FMN2: variants seen among roughly 807,000 people sequenced by gnomAD.
The protein encoded by FMN2 is formin 2, also known as formin-2.
In FMN2, 51 loss-of-function variants were observed where a neutral mutation model predicts 142.3. The observed-to-expected ratio is 0.36, with a 90% CI of 0.29 to 0.45. FMN2 has a LOEUF of 0.45. Among genes scored for constraint, FMN2 ranks in the 20% least tolerant of loss-of-function variants. The pLI is 1.00. For missense variants in FMN2, 1,936 were observed against 2,122.8 expected (o/e 0.91, Z 1.73); for synonymous variants, 882 against 869.8 (o/e 1.01, Z -0.25).
At chr1:240,463,896 G>T (rs150408127) in intron 16 of FMN2, among the ~76,000 whole-genome samples, 1 of 152,160 alleles carries the variant, frequency 6.6e-6, no homozygotes, top group South Asian at 2.1e-4. Flanking sequence ...CCAGCTACTC[G>T]GGAGGCTGAG....
intron 2 of FMN2, among the ~76,000 whole-genome samples, chr1:240,169,444 T>C (rs1664614089): frequency 2.0e-5 from 3 of 152,050 alleles, no homozygotes; most frequent in Non-Finnish European, 1.5e-5. Context: ...TAGGGATAGA[T>C]TTTATTTGAT....
At chr1:240,232,154 C>T (rs548569795) in intron 6 of FMN2, among the ~76,000 whole-genome samples, 13 of 152,154 alleles carry the variant, frequency 8.5e-5, no homozygotes, top group African/African-American at 3.1e-4. Context: ...ACTGCAACCT[C>T]CGCCTCCTGG....
chr1:240,180,607 C>A (rs984360262), intron 3 of FMN2, among the ~76,000 whole-genome samples: 1 of 144,950 alleles, frequency 6.9e-6, no homozygotes, highest in African/African-American at 2.6e-5. Context: ...TACTCTGTCA[C>A]CCAGGCTACA....
chr1:240,228,211 G>T (rs1667386051), intron 6 of FMN2, among the ~76,000 whole-genome samples: 1 of 147,316 alleles, frequency 6.8e-6, no homozygotes, highest in African/African-American at 2.5e-5. Flanking sequence ...TCTGAAGCAG[G>T]AGAATCGCTT....
At chr1:240,389,109 T>C (rs1467233761) in intron 14 of FMN2, among the ~76,000 whole-genome samples, 1 of 152,198 alleles carries the variant, frequency 6.6e-6, no homozygotes, top group Non-Finnish European at 1.5e-5. Flanking sequence ...GTTAATCTTG[T>C]AGTAGAAAAT....
chr1:240,283,734 G>A (rs926643354), intron 7 of FMN2, among the ~76,000 whole-genome samples: 2 of 152,144 alleles, frequency 1.3e-5, no homozygotes, highest in Non-Finnish European at 2.9e-5. Flanking sequence ...TTAAAGGGTG[G>A]AATCCAAAGG....
At chr1:240,419,354 G>C (rs1674688335) in intron 15 of FMN2, among the ~76,000 whole-genome samples, 2 of 151,738 alleles carry the variant, frequency 1.3e-5, no homozygotes, top group Non-Finnish European at 1.5e-5. Context: ...AGCTCTTTTT[G>C]GTTCGCATTT....
intron 6 of FMN2, among the ~76,000 whole-genome samples, chr1:240,249,233 T>C (rs1370385273): frequency 6.6e-6 from 1 of 152,104 alleles, no homozygotes; most frequent in African/African-American, 2.4e-5. Context: ...TAGTTTCGAG[T>C]CTTGCCTTTA....
At chr1:240,170,168 A>G in intron 2 of FMN2, 1 of 944,740 alleles carries the variant, frequency 1.1e-6, no homozygotes, top group East Asian at 2.6e-5. Context: ...GAACCCGTGG[A>G]CATGGTGAAC....
At chr1:240,422,226 T>G (rs913866442) in intron 15 of FMN2, among the ~76,000 whole-genome samples, 2 of 152,224 alleles carry the variant, frequency 1.3e-5, no homozygotes, top group African/African-American at 4.8e-5. Flanking sequence ...TGTTGGCTAT[T>G]CCAGATCTTT....
In FMN2 at chr1:240,256,584, C is replaced by CAAA. The variant is rs34087707; in HGVS notation, c.4066-1345_4066-1343dup. Among the ~76,000 whole-genome samples the CAAA allele has an allele frequency of 1.2e-3, 130 of 111,418 alleles. 2 individuals carry two copies. The highest frequency in any genetic ancestry group is 4.5e-3 in the African/African-American group (125 of 27,844). The allele number at this position is 111,418 out of a possible 152,430, so 73.1% of individuals were successfully genotyped here. The stretch of plus-strand genomic sequence containing the variant: ...TGAAACTCGGTCTCCACTAAAAATA[C>CAAA]AAAAAAAAAAAAAAAAAATAGCTGG... On this transcript the variant is annotated intron_variant, in intron 6 of 17. Transcript: ENST00000319653.
chr1:240,169,712 T>A (rs1314793009), intron 2 of FMN2, among the ~76,000 whole-genome samples: 2 of 152,110 alleles, frequency 1.3e-5, no homozygotes, highest in Non-Finnish European at 2.9e-5. Context: ...TGGGCTCAAG[T>A]AATACTCCTG....
chr1:240,198,560 G>A lies in FMN2; in HGVS notation c.1987-8239G>A, dbSNP rs572968798. On this transcript the variant is annotated intron_variant, in intron 4 of 17. Transcript: ENST00000319653. The stretch of plus-strand genomic sequence containing the variant: ...TCTAGAGATGCCATCTCAGCTCCCT[G>A]TGTGAGGCTCTTTCCCATAATATGT... 1.4e-4 allele frequency among the ~76,000 whole-genome samples: 22 copies of A among 152,232 alleles called. 1 individual carries two copies. The South Asian group carries it at 4.6e-3, about 32-fold the overall frequency.
chr1:240,362,761 T>G (rs1672534727), intron 14 of FMN2, among the ~76,000 whole-genome samples: 1 of 152,184 alleles, frequency 6.6e-6, no homozygotes, highest in Non-Finnish European at 1.5e-5. Flanking sequence ...TCAACTGTTT[T>G]TTTGGATGAA....
At chr1:240,387,242 A>G (rs1034487650) in intron 14 of FMN2, among the ~76,000 whole-genome samples, 4 of 152,286 alleles carry the variant, frequency 2.6e-5, no homozygotes, top group Admixed American at 6.5e-5. Flanking sequence ...CTCCGCTACT[A>G]CTTCTATTTT....
chr1:240,203,832 A>C (rs1666223062), intron 4 of FMN2, among the ~76,000 whole-genome samples: 1 of 151,960 alleles, frequency 6.6e-6, no homozygotes, highest in Non-Finnish European at 1.5e-5. Context: ...AATAATAAAA[A>C]AAGGTTATTT....
At chr1:240,445,191 A>C (rs1373074800) in intron 16 of FMN2, among the ~76,000 whole-genome samples, 1 of 152,220 alleles carries the variant, frequency 6.6e-6, no homozygotes, top group Non-Finnish European at 1.5e-5. Context: ...ACACATTAAG[A>C]CAGTAAGTAA....
chr1:240,182,344 T>G lies in FMN2; in HGVS notation c.1930+4276T>G, dbSNP rs1296748315. On this transcript the variant is annotated intron_variant, in intron 3 of 17. Transcript: ENST00000319653. The stretch of plus-strand genomic sequence containing the variant: ...CCCTTTCTTTGAAAATGTGAATGGC[T>G]GAGAGGAAACAGAGAACTGACTTTT... Among the ~76,000 whole-genome samples the G allele has an allele frequency of 2.0e-5, 3 of 152,154 alleles. No individual in the cohort carries two copies. The East Asian group carries it at 5.8e-4, about 29-fold the overall frequency.
chr1:240,470,113 A>G (rs1676757732), intron 16 of FMN2, among the ~76,000 whole-genome samples: 1 of 151,974 alleles, frequency 6.6e-6, no homozygotes, highest in Admixed American at 6.6e-5. Context: ...GGATCTAAAT[A>G]CTTGTAAAGT....
Sources: allele counts gnomAD v4.1 joint callset (sites outside exome capture counted in the v4.1 genomes callset), GRCh38; gene constraint gnomAD v4.1.1; transcripts MANE v1.5; gene names NCBI Gene and HGNC (gene_info 2026-07-23, HGNC 2026-07-21).